PTPRD: variants seen among roughly 807,000 people sequenced by gnomAD.
PTPRD encodes protein tyrosine phosphatase receptor type D.
A neutral mutation model predicts 214.5 loss-of-function variants in PTPRD; 34 were observed. The observed-to-expected ratio is 0.16, with a 90% CI of 0.12 to 0.21. The LOEUF (loss-of-function observed/expected upper bound fraction) is 0.21, where lower values mean the gene tolerates loss of function less well. PTPRD is among the 10% of genes least tolerant of loss of function. The probability of loss-of-function intolerance (pLI) is 1.00; values close to 1 mark genes in which losing one functional copy is unlikely to be tolerated. For missense variants in PTPRD, 2,545 were observed against 2,398.7 expected (o/e 1.06, Z -1.27); for synonymous variants, 1,128 against 845.7 (o/e 1.33, Z -5.79).
chr9:9,056,742 C>T (rs866424394), intron 10 of PTPRD, among the ~76,000 whole-genome samples: 1 of 152,204 alleles, frequency 6.6e-6, no homozygotes, highest in African/African-American at 2.4e-5. Flanking sequence ...CCATGTTTGG[C>T]GTAGGCCTGT....
intron 2 of PTPRD, among the ~76,000 whole-genome samples, chr9:10,545,506 T>A (rs12001121): frequency 0.016 from 2,371 of 152,276 alleles, 60 homozygotes; most frequent in African/African-American, 0.055. Context: ...TAAAGTTTAT[T>A]TTAATCCCTT....
intron 5 of PTPRD, among the ~76,000 whole-genome samples, chr9:9,826,164 C>A (rs1478912955): frequency 6.6e-6 from 1 of 151,580 alleles, no homozygotes; most frequent in Admixed American, 6.6e-5. Context: ...CGTCTTTCTA[C>A]ACTTTTCTTT....
chr9:9,354,544 C>G (rs892304521), intron 9 of PTPRD, among the ~76,000 whole-genome samples: 1 of 151,666 alleles, frequency 6.6e-6, no homozygotes, highest in African/African-American at 2.4e-5. Context: ...GGTAGGCTCT[C>G]TCCTAGCTGG....
At chr9:10,090,961 T>G (rs408270) in intron 3 of PTPRD, among the ~76,000 whole-genome samples, 2 of 60,954 alleles carry the variant, frequency 3.3e-5, no homozygotes, top group East Asian at 9.1e-4. Flanking sequence ...CACACACACA[T>G]GCATGTGGTA....
At chr9:10,536,323 G>T (rs1052200545) in intron 2 of PTPRD, among the ~76,000 whole-genome samples, 1 of 152,064 alleles carries the variant, frequency 6.6e-6, no homozygotes, top group Non-Finnish European at 1.5e-5. Flanking sequence ...GTAAGTCACA[G>T]AATTTTATTG....
At chr9:8,805,484 G>T (rs1259433886) in intron 11 of PTPRD, among the ~76,000 whole-genome samples, 1 of 150,850 alleles carries the variant, frequency 6.6e-6, no homozygotes, top group Non-Finnish European at 1.5e-5. Context: ...TTTGGAAAAT[G>T]ATTATAAACC....
intron 4 of PTPRD, among the ~76,000 whole-genome samples, chr9:10,026,457 A>G (rs1161343063): frequency 6.6e-6 from 1 of 152,222 alleles, no homozygotes; most frequent in Admixed American, 6.5e-5. Flanking sequence ...AGAAAAGTCA[A>G]GTTGCCTGCC....
At chr9:9,693,634 C>T (rs529578570) in intron 7 of PTPRD, among the ~76,000 whole-genome samples, 128 of 152,108 alleles carry the variant, frequency 8.4e-4, no homozygotes, top group Non-Finnish European at 1.6e-3. Flanking sequence ...ATATATTTCT[C>T]TAGGTTTGGG....
chr9:8,604,665 T>C (rs898907194), intron 14 of PTPRD, among the ~76,000 whole-genome samples: 15 of 152,056 alleles, frequency 9.9e-5, no homozygotes, highest in African/African-American at 3.6e-4. Context: ...AAATATAGCA[T>C]GAAAAGAGGA....
intron 3 of PTPRD, among the ~76,000 whole-genome samples, chr9:10,277,464 G>C (rs1292545634): frequency 6.6e-6 from 1 of 152,122 alleles, no homozygotes; most frequent in African/African-American, 2.4e-5. Flanking sequence ...AAATTTCTTT[G>C]CTTCTCTATG....
intron 34 of PTPRD, among the ~76,000 whole-genome samples, chr9:8,447,040 A>C (rs1464611352): frequency 6.6e-6 from 1 of 152,272 alleles, no homozygotes; most frequent in Non-Finnish European, 1.5e-5. Context: ...TGTTCCAGAC[A>C]GCAGGCCACA....
rs536179651 is a variant in PTPRD at position 9,848,654 on chromosome 9, CAT to C, written c.-367-81805_-367-81804del. Among the ~76,000 whole-genome samples the C allele has an allele frequency of 3.6e-4, 55 of 152,162 alleles. 1 individual carries two copies. In the East Asian group the frequency reaches 7.8e-3, roughly 21 times the overall value. On this transcript the variant is annotated intron_variant, in intron 5 of 45. Transcript: ENST00000381196. ...TATATTTTCTATGTATTCAGTAACA[CAT>C]GTTAAAGAGATTTAGAAGAAAATAT...
intron 9 of PTPRD, among the ~76,000 whole-genome samples, chr9:9,295,415 C>T (rs1440142738): frequency 6.6e-6 from 1 of 151,628 alleles, no homozygotes; most frequent in Non-Finnish European, 1.5e-5. Context: ...CAAAAATATA[C>T]TCTATCATTG....
chr9:9,609,774 T>C (rs113480306), intron 7 of PTPRD, among the ~76,000 whole-genome samples: 2,947 of 152,274 alleles, frequency 0.019, 100 homozygotes, highest in African/African-American at 0.068. Context: ...AATGTGAACT[T>C]TCATAAGCTT....
intron 2 of PTPRD, among the ~76,000 whole-genome samples, chr9:10,480,354 C>A (rs1460823153): frequency 1.3e-5 from 2 of 152,124 alleles, no homozygotes; most frequent in Non-Finnish European, 2.9e-5. Context: ...TTCCCACCCT[C>A]CAGCTAGGAT....
In PTPRD at chr9:8,504,370, C is replaced by T. The variant is rs1216291824; in HGVS notation, c.1713G>A (p.Arg571=). The part of the protein sequence containing the change: ...RITIEPGTSY[R]LQGLKPNSLY... ...AGCTGTTTGGTTTCAGTCCTTGCAGCCTATATGATGTCCCTGGCTCAATGG... is the reference window on the plus strand; with the variant it reads ...AGCTGTTTGGTTTCAGTCCTTGCAGTCTATATGATGTCCCTGGCTCAATGG... Residue 571 remains arginine (R), a synonymous_variant, in exon 23 of 46, where the codon AGG becomes AGA. Transcript: ENST00000381196. The T allele has an allele frequency of 6.2e-7, 1 of 1,614,144 alleles. No individual in the cohort carries two copies. Among genetic ancestry groups the T allele is most frequent in the Admixed American group, 1.7e-5 (1 of 60,022 alleles).
At chr9:10,498,108 C>T (rs2042633015) in intron 2 of PTPRD, among the ~76,000 whole-genome samples, 2 of 151,954 alleles carry the variant, frequency 1.3e-5, no homozygotes. Context: ...TTACAATTAA[C>T]ATTCAGCTCT....
intron 5 of PTPRD, among the ~76,000 whole-genome samples, chr9:9,933,012 C>T (rs1454407143): frequency 2.0e-5 from 3 of 151,656 alleles, no homozygotes; most frequent in South Asian, 2.1e-4. Context: ...AAATCCTTTA[C>T]AGACAAGCAA....
intron 8 of PTPRD, among the ~76,000 whole-genome samples, chr9:9,556,275 T>C (rs1481923897): frequency 2.0e-5 from 3 of 152,162 alleles, no homozygotes; most frequent in Non-Finnish European, 4.4e-5. Flanking sequence ...TTCATCCTCA[T>C]TGTCTTCACA....
Sources: gnomAD v4.1 joint callset for allele counts (sites outside exome capture counted in the v4.1 genomes callset) on GRCh38, gnomAD v4.1.1 for gene constraint, MANE v1.5 for transcripts, NCBI Gene and HGNC (gene_info 2026-07-23, HGNC 2026-07-21) for gene names.